PCLO: variants seen among roughly 807,000 people sequenced by gnomAD.
PCLO encodes the protein protein piccolo.
PCLO carries 82 observed loss-of-function variants against 427.5 expected under a neutral mutation model. The observed-to-expected ratio is 0.19, with a 90% CI of 0.16 to 0.23. PCLO has a LOEUF of 0.23. Among genes scored for constraint, PCLO ranks in the 10% least tolerant of loss-of-function variants. The pLI is 1.00. For synonymous variants in PCLO, 2,357 were observed against 2,155.4 expected (o/e 1.09, Z -2.59); for missense variants, 6,239 against 6,115.9 (o/e 1.02, Z -0.67).
intron 9 of PCLO, among the ~76,000 whole-genome samples, chr7:82,885,865 C>T (rs1190116338): frequency 6.6e-6 from 1 of 151,720 alleles, no homozygotes; most frequent in Admixed American, 6.6e-5. Context: ...GGCAACGCAG[C>T]TAATATAAGG....
chr7:83,110,619 A>C (rs1357088835), intron 3 of PCLO, among the ~76,000 whole-genome samples: 1 of 152,194 alleles, frequency 6.6e-6, no homozygotes, highest in Non-Finnish European at 1.5e-5. Context: ...AACATCCAAA[A>C]TAAAAGGCTG....
chr7:82,755,451 C>T lies in PCLO; in HGVS notation c.*3124G>A, dbSNP rs191801159. The T allele has an allele frequency of 1.7e-3, 257 of 152,186 alleles. No homozygotes were observed. The highest frequency in any genetic ancestry group is 5.5e-3 in the African/African-American group (228 of 41,552). The allele number at this position is 152,186 out of a possible 1,614,324, so 9.4% of individuals were successfully genotyped here. On this transcript the variant is annotated 3_prime_UTR_variant, in exon 25 of 25. Coordinates refer to ENST00000333891, the MANE Select transcript of PCLO (RefSeq NM_033026.6). ...GTCTGTAATGACTATTCTATATTCC[C>T]TGTCTTTTGTAAAAAATTCACTCTG...
chr7:82,993,339 T>C (rs894376218), intron 3 of PCLO, among the ~76,000 whole-genome samples: 1 of 152,028 alleles, frequency 6.6e-6, no homozygotes, highest in East Asian at 1.9e-4. Context: ...AGGATCTTCA[T>C]TGCTATGAAT....
chr7:82,782,817 C>A (rs1476729994), intron 22 of PCLO, among the ~76,000 whole-genome samples: 1 of 152,256 alleles, frequency 6.6e-6, no homozygotes, highest in Non-Finnish European at 1.5e-5. Flanking sequence ...TACAGAGATG[C>A]CTTAACACAA....
intron 10 of PCLO, among the ~76,000 whole-genome samples, chr7:82,870,274 G>A (rs1793200645): frequency 6.6e-6 from 1 of 151,946 alleles, no homozygotes; most frequent in African/African-American, 2.4e-5. Flanking sequence ...ACAGAACCCA[G>A]AAATAAGTAC....
At chr7:82,892,508 T>C (rs556923158) in intron 9 of PCLO, among the ~76,000 whole-genome samples, 3 of 152,210 alleles carry the variant, frequency 2.0e-5, no homozygotes, top group South Asian at 2.1e-4. Context: ...ATTCAGGACA[T>C]AGGCATGGGC....
chr7:82,847,261 T>A lies in PCLO; in HGVS notation c.13655-14A>T. The stretch of plus-strand genomic sequence containing the variant: ...ATACTTGCATCCCTAGAAAGACAAA[T>A]TTGAATATAAAATCAAACGTGTGCT... On this transcript the variant is annotated splice_polypyrimidine_tract_variant and intron_variant, in intron 10 of 24. Transcript: ENST00000333891. 1 of 1,435,890 alleles carries A rather than the reference T, an allele frequency of 7.0e-7. No individual in the cohort carries two copies. Among genetic ancestry groups the A allele is most frequent in the South Asian group, 1.2e-5 (1 of 84,996 alleles). The allele number at this position is 1,435,890 out of a possible 1,614,324, so 88.9% of individuals were successfully genotyped here.
At chr7:82,846,953 A>G (rs905382863) in intron 11 of PCLO, among the ~76,000 whole-genome samples, 186 bp downstream of exon 11, 2 of 152,168 alleles carry the variant, frequency 1.3e-5, no homozygotes, top group African/African-American at 4.8e-5. Context: ...CATGAAAGGG[A>G]AGAGGCTGTT....
chr7:83,048,338 T>C (rs1444715522), intron 3 of PCLO, among the ~76,000 whole-genome samples: 1 of 152,064 alleles, frequency 6.6e-6, no homozygotes. Context: ...CATTAATCCA[T>C]AGTAAAGACA....
intron 3 of PCLO, among the ~76,000 whole-genome samples, chr7:83,091,943 A>G (rs1790388392): frequency 6.6e-6 from 1 of 152,218 alleles, no homozygotes; most frequent in South Asian, 2.1e-4. Flanking sequence ...ACTCTGGACT[A>G]ACCACTTGAA....
chr7:82,770,895 G>A (rs1790632793), intron 22 of PCLO, among the ~76,000 whole-genome samples: 1 of 151,712 alleles, frequency 6.6e-6, no homozygotes, highest in Non-Finnish European at 1.5e-5. Flanking sequence ...TTTTACAAAG[G>A]CTATATTAAA....
intron 3 of PCLO, among the ~76,000 whole-genome samples, chr7:83,058,480 T>G (rs1789457906): frequency 1.3e-5 from 2 of 152,224 alleles, no homozygotes; most frequent in Non-Finnish European, 2.9e-5. Context: ...AACATTAAAC[T>G]ATAGACAACA....
chr7:82,766,950 G>C (rs1790543867), intron 22 of PCLO, among the ~76,000 whole-genome samples: 1 of 152,146 alleles, frequency 6.6e-6, no homozygotes, highest in African/African-American at 2.4e-5. Flanking sequence ...TGCTTACTGA[G>C]GTTGTCTCAA....
Position 83,121,945 on chromosome 7 carries a change from A to G in PCLO, c.3300+12305T>C, listed in dbSNP as rs1002644060. Among the ~76,000 whole-genome samples, 31 of 152,188 alleles carry G rather than the reference A, an allele frequency of 2.0e-4. 1 individual carries two copies. Among genetic ancestry groups the G allele is most frequent in the Non-Finnish European group, 2.9e-5 (2 of 68,030 alleles). The stretch of plus-strand genomic sequence containing the variant: ...TAAACCAAATTCCAACAACACATTA[A>G]AAAAATCATCCATCATGACCAAGTG... On this transcript the variant is annotated intron_variant, in intron 3 of 24. Coordinates refer to ENST00000333891, the MANE Select transcript of PCLO (RefSeq NM_033026.6).
At chr7:83,161,455 C>T (rs1792434564) in intron 1 of PCLO, among the ~76,000 whole-genome samples, 1 of 152,130 alleles carries the variant, frequency 6.6e-6, no homozygotes, top group Non-Finnish European at 1.5e-5. Flanking sequence ...AATGATTATA[C>T]CCCTCTCAGT....
chr7:82,778,892 G>C (rs967930786), intron 22 of PCLO, among the ~76,000 whole-genome samples: 4 of 145,440 alleles, frequency 2.8e-5, no homozygotes, highest in Admixed American at 7.0e-5. Flanking sequence ...ACTAGAAACA[G>C]CTCTATTTTA....
chr7:83,162,654 C>A lies in PCLO; in HGVS notation c.-62G>T, dbSNP rs1183299525. On this transcript the variant is annotated 5_prime_UTR_variant, in exon 1 of 25. Coordinates refer to ENST00000333891, the MANE Select transcript of PCLO (RefSeq NM_033026.6). ...CGCGCCGCGTCCCAGTCGAGAAGCC[C>A]GCGGCCAGGGGAGCAGTCAGAGCCG... 5 of 1,474,518 alleles carry A rather than the reference C, an allele frequency of 3.4e-6. No individual in the cohort carries two copies. The African/African-American group carries it at 5.6e-5, about 17-fold the overall frequency. 91.3% of individuals were successfully genotyped at this position (1,474,518 alleles called of 1,614,324 possible).
intron 3 of PCLO, among the ~76,000 whole-genome samples, chr7:83,095,723 T>C (rs1743921558): frequency 6.6e-6 from 1 of 152,068 alleles, no homozygotes; most frequent in African/African-American, 2.4e-5. Flanking sequence ...CTCCAAGTGT[T>C]TGGAGATTTT....
chr7:83,096,419 T>C (rs1790539150), intron 3 of PCLO, among the ~76,000 whole-genome samples: 1 of 152,066 alleles, frequency 6.6e-6, no homozygotes, highest in South Asian at 2.1e-4. Context: ...TTGTACAAGT[T>C]ATTTAAGTCT....
Sources: gnomAD v4.1 joint callset for allele counts (sites outside exome capture counted in the v4.1 genomes callset) on GRCh38, gnomAD v4.1.1 for gene constraint, MANE v1.5 for transcripts, NCBI Gene and HGNC (gene_info 2026-07-23, HGNC 2026-07-21) for gene names.